Variants in CALCR observed in about 807,000 individuals in gnomAD.
CALCR encodes calcitonin receptor.
Under a neutral mutation model 59.5 loss-of-function variants are expected in CALCR, and 47 were observed. That is an observed-to-expected ratio of 0.79 (90% CI 0.63 to 1.01). The LOEUF (loss-of-function observed/expected upper bound fraction) is 1.01. CALCR is among the 50% of genes least tolerant of loss of function. The pLI, the probability that CALCR is intolerant of heterozygous loss-of-function variation, is 0.00. For synonymous variants in CALCR, 213 were observed against 211.3 expected (o/e 1.01, Z -0.07); for missense variants, 566 against 597.1 (o/e 0.95, Z 0.54).
intron 13 of CALCR, among the ~76,000 whole-genome samples, chr7:93,432,248 C>T (rs1017616088): frequency 7.2e-5 from 11 of 152,158 alleles, no homozygotes; most frequent in African/African-American, 1.2e-4. Flanking sequence ...GATGTGATCT[C>T]ATTATTATGT....
intron 2 of CALCR, among the ~76,000 whole-genome samples, chr7:93,502,106 G>A (rs1319336542): frequency 2.0e-5 from 3 of 151,992 alleles, no homozygotes; most frequent in African/African-American, 4.8e-5. Context: ...ACATTAAAAT[G>A]GACTCCTTTT....
chr7:93,574,234 C>T (rs1790066959), intron 2 of CALCR, 55 bp downstream of exon 2: 1 of 152,308 alleles, frequency 6.6e-6, no homozygotes, highest in African/African-American at 2.4e-5. Flanking sequence ...CACTGTTAAA[C>T]ATCCCTTGGA....
At chr7:93,469,904 A>G (rs1487137137) in intron 6 of CALCR, among the ~76,000 whole-genome samples, 1 of 151,690 alleles carries the variant, frequency 6.6e-6, no homozygotes, top group Non-Finnish European at 1.5e-5. Flanking sequence ...GAACATTTTG[A>G]TTCTTGTCAA....
chr7:93,525,382 T>A (rs1296518966), intron 2 of CALCR, among the ~76,000 whole-genome samples: 3 of 152,176 alleles, frequency 2.0e-5, no homozygotes, highest in African/African-American at 4.8e-5. Context: ...GCAGGCTATT[T>A]CAGAAGTGAC....
intron 2 of CALCR, among the ~76,000 whole-genome samples, chr7:93,544,618 G>A (rs1789236924): frequency 6.6e-6 from 1 of 151,878 alleles, no homozygotes; most frequent in African/African-American, 2.4e-5. Flanking sequence ...TTTTCACTGT[G>A]TGGTATTTTG....
At chr7:93,529,443 T>A (rs35346885) in intron 2 of CALCR, among the ~76,000 whole-genome samples, 13,033 of 152,282 alleles carry the variant, frequency 0.086, 621 homozygotes, top group African/African-American at 0.099. Flanking sequence ...CTCTTTTCTT[T>A]ATGAATTACT....
At chr7:93,562,370 A>T (rs901156760) in intron 2 of CALCR, among the ~76,000 whole-genome samples, 1 of 152,088 alleles carries the variant, frequency 6.6e-6, no homozygotes, top group Non-Finnish European at 1.5e-5. Flanking sequence ...AGACTGAGCA[A>T]TATCTATTCA....
chr7:93,531,032 G>C (rs1010592005), intron 2 of CALCR, among the ~76,000 whole-genome samples: 2 of 152,014 alleles, frequency 1.3e-5, no homozygotes, highest in African/African-American at 2.4e-5. Context: ...GAGAATCTTT[G>C]CTATAAGTTA....
chr7:93,514,031 T>C lies in CALCR; in HGVS notation c.-26-27024A>G, dbSNP rs577618907. Among the ~76,000 whole-genome samples, 17 of 152,184 alleles carry C rather than the reference T, an allele frequency of 1.1e-4. No individual in the cohort carries two copies. The South Asian group carries it at 3.1e-3, about 28-fold the overall frequency. ...TAAGGAAACATAGAGGGTGACATTC[T>C]ATATTTGAATCAATCATTAGAACTT... On this transcript the variant is annotated intron_variant, in intron 2 of 13. Coordinates refer to ENST00000426151, the MANE Select transcript of CALCR (RefSeq NM_001742.4).
intron 7 of CALCR, among the ~76,000 whole-genome samples, chr7:93,465,397 A>G (rs1001841380): frequency 1.3e-5 from 2 of 151,942 alleles, no homozygotes; most frequent in Non-Finnish European, 2.9e-5. Flanking sequence ...ATCTAGCAGT[A>G]AGAAATCTTG....
At chr7:93,550,985 A>G (rs1321681985) in intron 2 of CALCR, among the ~76,000 whole-genome samples, 4 of 152,184 alleles carry the variant, frequency 2.6e-5, no homozygotes, top group Non-Finnish European at 4.4e-5. Flanking sequence ...AGGAAGAAAA[A>G]ATGATTAGAC....
rs528614110 is a variant in CALCR, at chr7:93,568,881, T to A, written c.-27+5408A>T. 3.3e-5 allele frequency among the ~76,000 whole-genome samples: 5 copies of A among 151,346 alleles called. No homozygotes were observed. The South Asian group carries it at 8.4e-4, about 25-fold the overall frequency. On this transcript the variant is annotated intron_variant, in intron 2 of 13. Transcript: ENST00000426151. ...TCACATGGATGAGCCAAAGACATTA[T>A]TTTTTTTTCCTCCAAATTCAACTAT...
At chr7:93,557,016 TATC>T (rs1789624901) in intron 2 of CALCR, among the ~76,000 whole-genome samples, 1 of 152,088 alleles carries the variant, frequency 6.6e-6, no homozygotes, top group African/African-American at 2.4e-5. Flanking sequence ...CTAAATGTCT[TATC>T]ATAACTACCT....
chr7:93,531,857 T>G (rs1563009841), intron 2 of CALCR, among the ~76,000 whole-genome samples: 1 of 152,062 alleles, frequency 6.6e-6, no homozygotes, highest in Non-Finnish European at 1.5e-5. Flanking sequence ...TTTAATATGA[T>G]GAAGTCATCA....
At chr7:93,467,375 C>G (rs1163167140) in intron 7 of CALCR, among the ~76,000 whole-genome samples, 1 of 151,442 alleles carries the variant, frequency 6.6e-6, no homozygotes, top group Non-Finnish European at 1.5e-5. Flanking sequence ...TGCTGTTCAC[C>G]TCTATTGCTT....
chr7:93,430,333 C>T (rs1476906503), intron 13 of CALCR, among the ~76,000 whole-genome samples: 1 of 152,092 alleles, frequency 6.6e-6, no homozygotes, highest in East Asian at 1.9e-4. Context: ...AAGTTGTTGT[C>T]AACATTCTTT....
intron 2 of CALCR, among the ~76,000 whole-genome samples, chr7:93,500,879 A>C (rs751454469): frequency 6.6e-6 from 1 of 152,042 alleles, no homozygotes; most frequent in Non-Finnish European, 1.5e-5. Flanking sequence ...GCATATATTT[A>C]CTAATAAAGA....
chr7:93,476,084 AT>A lies in CALCR; in HGVS notation c.316+1473del, dbSNP rs201639961. Among the ~76,000 whole-genome samples the A allele has an allele frequency of 2.8e-3, 411 of 149,422 alleles. 3 individuals carry two copies. Among genetic ancestry groups the A allele is most frequent in the African/African-American group, 8.9e-3 (362 of 40,766 alleles). On this transcript the variant is annotated intron_variant, in intron 5 of 13. Transcript: ENST00000426151. ...CATCTGCATTTTTCATAAGCTCACAATTTTTTTTTTCATTTTGTGAAAGGGC... is the reference window on the plus strand; with the variant it reads ...CATCTGCATTTTTCATAAGCTCACAATTTTTTTTTCATTTTGTGAAAGGGC...
intron 2 of CALCR, among the ~76,000 whole-genome samples, chr7:93,564,546 G>A (rs28415006): frequency 0.048 from 7,244 of 151,944 alleles, 580 homozygotes; most frequent in African/African-American, 0.16. Context: ...TCTGCCTCCC[G>A]GGTTCAAGCG....
Sources: allele counts gnomAD v4.1 joint callset (sites outside exome capture counted in the v4.1 genomes callset), GRCh38; gene constraint gnomAD v4.1.1; transcripts MANE v1.5; gene names NCBI Gene and HGNC (gene_info 2026-07-23, HGNC 2026-07-21).